ACAD10: variants seen among roughly 807,000 people sequenced by gnomAD.
ACAD10 encodes the protein acyl-CoA dehydrogenase family member 10.
A neutral mutation model predicts 116.8 loss-of-function variants in ACAD10; 112 were observed. The observed-to-expected ratio is 0.96, with a 90% CI of 0.82 to 1.12. ACAD10 has a LOEUF of 1.12. Ranked by LOEUF, ACAD10 falls within the 50% of genes most tolerant of loss-of-function variation. ACAD10 has a pLI of 0.00. For synonymous variants in ACAD10, 486 were observed against 510.6 expected (o/e 0.95, Z 0.65); for missense variants, 1,259 against 1,350.2 (o/e 0.93, Z 1.06).
chr12:111,712,339 G>T (rs574348596), intron 5 of ACAD10, among the ~76,000 whole-genome samples, 159 bp from the exon 6 acceptor site: 2 of 152,280 alleles, frequency 1.3e-5, no homozygotes, highest in South Asian at 4.1e-4. Context: ...GGCCAGGATT[G>T]ACTGCTGGCA....
intron 1 of ACAD10, among the ~76,000 whole-genome samples, chr12:111,690,780 CAAAAA>C (rs540935938): frequency 7.9e-5 from 5 of 63,532 alleles, no homozygotes; most frequent in African/African-American, 2.1e-4. Context: ...GTGAGACTCT[CAAAAA>C]AAAAAAAAAA....
intron 7 of ACAD10, among the ~76,000 whole-genome samples, 189 bp from the exon 8 acceptor site, chr12:111,721,482 G>C (rs762245606): frequency 6.6e-6 from 1 of 152,140 alleles, no homozygotes. Context: ...GCCTGAGAAT[G>C]GCTTGAACCT....
chr12:111,727,867 G>A (rs1943674204), intron 8 of ACAD10, 95 bp from the exon 9 acceptor site: 6 of 1,303,500 alleles, frequency 4.6e-6, no homozygotes, highest in African/African-American at 1.5e-5. Context: ...CTCTCAACCT[G>A]TATACCCAGG....
chr12:111,692,734 T>TC lies in ACAD10; in HGVS notation c.31dup (p.Arg11ProfsTer74). On this transcript the variant is annotated frameshift_variant, in exon 2 of 21. Coordinates refer to ENST00000313698, the MANE Select transcript of ACAD10 (RefSeq NM_025247.6). LOFTEE classifies it high-confidence loss of function. ...CATGTGTGTCAGGAGCTGTTTCCAG[T>TC]CCCCCCGTCTCCAGTGGGTGTGGAG... The TC allele has an allele frequency of 1.2e-6, 2 of 1,613,814 alleles. No individual in the cohort carries two copies. Among genetic ancestry groups the TC allele is most frequent in the African/African-American group, 1.3e-5 (1 of 74,950 alleles).
At chr12:111,712,726 T>C in intron 6 of ACAD10, 69 bp downstream of exon 6, 1 of 1,524,090 alleles carries the variant, frequency 6.6e-7, no homozygotes, top group Non-Finnish European at 9.0e-7. Context: ...TTCTCACTTT[T>C]CAACCCTAAT....
chr12:111,708,672 C>T (rs1888582160), intron 4 of ACAD10, among the ~76,000 whole-genome samples: 1 of 152,026 alleles, frequency 6.6e-6, no homozygotes, highest in African/African-American at 2.4e-5. Context: ...AGATTTAGTT[C>T]TGTTCTTAGG....
chr12:111,737,116 C>A, intron 12 of ACAD10, 112 bp downstream of exon 12: 1 of 927,850 alleles, frequency 1.1e-6, no homozygotes, highest in Non-Finnish European at 1.5e-6. Context: ...ACCGATTTGG[C>A]CAGGATTCTC....
intron 15 of ACAD10, 47 bp downstream of exon 15, chr12:111,747,233 G>C: frequency 6.2e-7 from 1 of 1,609,808 alleles, no homozygotes; most frequent in Non-Finnish European, 8.5e-7. Flanking sequence ...TGTTGTTGTC[G>C]GCCCCACAGG....
intron 6 of ACAD10, among the ~76,000 whole-genome samples, chr12:111,713,388 G>C (rs941035547): frequency 3.3e-5 from 5 of 151,818 alleles, no homozygotes; most frequent in Admixed American, 1.3e-4. Flanking sequence ...ATTTTGGGAG[G>C]CCAAGGCAGG....
At chr12:111,732,941 G>A (rs1477343818) in intron 10 of ACAD10, among the ~76,000 whole-genome samples, 2 of 152,220 alleles carry the variant, frequency 1.3e-5, no homozygotes, top group Non-Finnish European at 2.9e-5. Flanking sequence ...AAAGTAGGGC[G>A]GCTGTCGGGT....
Position 111,709,641 on chromosome 12 carries a change from C to A in ACAD10, c.647C>A (p.Thr216Lys). 6.2e-7 allele frequency: 1 copy of A among 1,613,876 alleles called. No individual in the cohort carries two copies. The change falls in exon 5 of 21, where the codon ACA becomes AAA. Residue 216 changes from threonine to lysine, a missense_variant. Coordinates refer to ENST00000313698, the MANE Select transcript of ACAD10 (RefSeq NM_025247.6). ...SESIFLDDLG[T>K]NLKEAARLGI... ...TCCATCTTTCTTGATGACCTTGGAA[C>A]AAATCTAAAAGAAGCTGCCAGACTT...
Position 111,753,771 on chromosome 12 carries a change from G to A in ACAD10, c.2818-1G>A. The A allele has an allele frequency of 6.2e-7, 1 of 1,613,928 alleles. No homozygotes were observed. Among genetic ancestry groups the A allele is most frequent in the Non-Finnish European group, 8.5e-7 (1 of 1,180,012 alleles). On this transcript the variant is annotated splice_acceptor_variant, in intron 18 of 20. Coordinates refer to ENST00000313698, the MANE Select transcript of ACAD10 (RefSeq NM_025247.6). LOFTEE classifies it high-confidence loss of function. Reference sequence around the variant, plus strand: ...CAGCCGCACATCTCCTGTGTCGACAGGTGAAGTCCCGCTTGGCTTTTGGGA... The same window carrying A: ...CAGCCGCACATCTCCTGTGTCGACAAGTGAAGTCCCGCTTGGCTTTTGGGA...
At chr12:111,701,404 A>C (rs200323237) in intron 2 of ACAD10, among the ~76,000 whole-genome samples, 8 of 83,638 alleles carry the variant, frequency 9.6e-5, no homozygotes, top group Admixed American at 5.2e-4. Flanking sequence ...ACCTGTAATC[A>C]CACACAGTAC....
intron 4 of ACAD10, among the ~76,000 whole-genome samples, chr12:111,708,894 C>G (rs925911844): frequency 6.6e-6 from 1 of 152,058 alleles, no homozygotes; most frequent in Non-Finnish European, 1.5e-5. Context: ...GAAGCAAGGT[C>G]GTCAGAGTAC....
chr12:111,736,865 C>T lies in ACAD10; in HGVS notation c.1575C>T (p.Ile525=), dbSNP rs1417487696. ...ACTGTGACTTGACACAGCTGGGAATCCCTGCTGCAGAGGAGTATTTCAGGA... is the reference window on the plus strand; with the variant it reads ...ACTGTGACTTGACACAGCTGGGAATTCCTGCTGCAGAGGAGTATTTCAGGA... The part of the protein sequence containing the change: ...INDCDLTQLG[I]PAAEEYFRMY... The change falls in exon 12 of 21, where the codon ATC becomes ATT. Residue 525 remains isoleucine, a synonymous_variant. Transcript: ENST00000313698. 1 of 1,613,816 alleles carries T rather than the reference C, an allele frequency of 6.2e-7. No individual in the cohort carries two copies. The highest frequency in any genetic ancestry group is 8.5e-7 in the Non-Finnish European group (1 of 1,179,960).
Position 111,709,690 on chromosome 12 carries a change from A to G in ACAD10, c.690+6A>G, listed in dbSNP as rs200345790. The G allele has an allele frequency of 6.2e-6, 10 of 1,603,198 alleles. No individual in the cohort carries two copies. The East Asian group carries it at 2.2e-4, about 36-fold the overall frequency. On this transcript the variant is annotated splice_donor_region_variant and intron_variant, in intron 5 of 20. Coordinates refer to ENST00000313698, the MANE Select transcript of ACAD10 (RefSeq NM_025247.6). ...TTGGTATTCACACCATTAAGGTAATAGTCACTAATTTTTGAACTCCCTCCC... is the reference window on the plus strand; with the variant it reads ...TTGGTATTCACACCATTAAGGTAATGGTCACTAATTTTTGAACTCCCTCCC...
At chr12:111,714,249 A>C (rs1424831005) in intron 6 of ACAD10, among the ~76,000 whole-genome samples, 3 of 151,688 alleles carry the variant, frequency 2.0e-5, no homozygotes, top group Non-Finnish European at 4.4e-5. Flanking sequence ...TGTCTCCAAA[A>C]AAAAAAAAAA....
intron 8 of ACAD10, among the ~76,000 whole-genome samples, chr12:111,723,304 C>G (rs1252076868): frequency 7.4e-6 from 1 of 135,276 alleles, no homozygotes; most frequent in East Asian, 2.4e-4. Context: ...GACGGGGCGG[C>G]TGGCCGGGCG....
chr12:111,747,797 C>T (rs1241765235), intron 16 of ACAD10: 3 of 1,013,282 alleles, frequency 3.0e-6, no homozygotes, highest in Non-Finnish European at 3.6e-6. Context: ...TTGCAGGGCC[C>T]CTACAAGTAG....
Sources: allele counts gnomAD v4.1 joint callset (sites outside exome capture counted in the v4.1 genomes callset), GRCh38; gene constraint gnomAD v4.1.1; transcripts MANE v1.5; gene names NCBI Gene and HGNC (gene_info 2026-07-23, HGNC 2026-07-21).